MRPS11: variants seen among roughly 807,000 people sequenced by gnomAD.
The protein encoded by MRPS11 is mitochondrial ribosomal protein S11, also known as small ribosomal subunit protein uS11m.
Under a neutral mutation model 24.3 loss-of-function variants are expected in MRPS11, and 27 were observed. The observed-to-expected ratio is 1.11, with a 90% CI of 0.82 to 1.53. MRPS11 has a LOEUF of 1.53. MRPS11 is among the 40% of genes most tolerant of loss of function. MRPS11 has a pLI of 0.00. For missense variants in MRPS11, 277 were observed against 256.5 expected (o/e 1.08, Z -0.55); for synonymous variants, 104 against 98.7 (o/e 1.05, Z -0.32).
At chr15:88,476,396 A>T (rs16941948) in intron 4 of MRPS11, among the ~76,000 whole-genome samples, 9 of 152,132 alleles carry the variant, frequency 5.9e-5, no homozygotes, top group African/African-American at 2.2e-4. Context: ...CCTTCAAACA[A>T]GGGAAGGCAC....
chr15:88,467,974 G>T lies in MRPS11; in HGVS notation c.132G>T (p.Ala44=). The T allele has an allele frequency of 6.2e-7, 1 of 1,611,778 alleles. No individual in the cohort carries two copies. The highest frequency in any genetic ancestry group is 1.7e-4 in the Middle Eastern group (1 of 6,056). Residue 44 remains alanine (A), a synonymous_variant, in exon 2 of 6, where the codon GCG becomes GCT. Coordinates refer to ENST00000325844, the MANE Select transcript of MRPS11 (RefSeq NM_022839.5). ...GCGCTCGACAGCTCCAAGACGCTGC[G>T]GCCAAGCAGAAAGTTGAACAGAACG... ...CTGARQLQDA[A]AKQKVEQNAA...
chr15:88,471,065 AG>A (rs1367629532), intron 2 of MRPS11, among the ~76,000 whole-genome samples: 1 of 152,212 alleles, frequency 6.6e-6, no homozygotes, highest in Middle Eastern at 3.2e-3. Context: ...CTGTGGGCAC[AG>A]ATGTTCAGTA....
intron 3 of MRPS11, among the ~76,000 whole-genome samples, chr15:88,473,841 G>C (rs569899880): frequency 6.6e-6 from 1 of 152,278 alleles, no homozygotes; most frequent in South Asian, 2.1e-4. Context: ...GCATATCTGA[G>C]GATTTCTTAA....
intron 2 of MRPS11, chr15:88,468,414 A>ATGT: frequency 9.2e-7 from 1 of 1,089,308 alleles, no homozygotes. Context: ...CGTCTTACGG[A>ATGT]TGGTCCAGGG....
In MRPS11 at chr15:88,479,534, T is replaced by A. The variant is rs1021393577; in HGVS notation, c.*1555T>A. The A allele has an allele frequency of 6.6e-6, 1 of 152,100 alleles. No individual in the cohort carries two copies. Among genetic ancestry groups the A allele is most frequent in the African/African-American group, 2.4e-5 (1 of 41,414 alleles). 9.4% of individuals were successfully genotyped at this position (152,100 alleles called of 1,614,324 possible). A position where few individuals can be genotyped will look rare whatever the true frequency, so the allele number is the denominator to read the frequency against. On this transcript the variant is annotated 3_prime_UTR_variant, in exon 6 of 6. Transcript: ENST00000325844. ...GGAAGATCACGAACCAAGACATGAA[T>A]TTAGAGGAAAAATGCCTCCCTACTG...
At chr15:88,476,109 G>C (rs912156022) in intron 4 of MRPS11, among the ~76,000 whole-genome samples, 3 of 152,160 alleles carry the variant, frequency 2.0e-5, no homozygotes, top group Non-Finnish European at 4.4e-5. Context: ...AAATTGGCAA[G>C]GTGCTGCTAT....
Position 88,478,849 on chromosome 15 carries a change from CATG to C in MRPS11, c.*871_*873del. ...ACTAAAAATACAAAAATTAACCAGG[CATG>C]GTGGTGTGCGCCTGTAATCCCAGCT... On this transcript the variant is annotated 3_prime_UTR_variant, in exon 6 of 6. Transcript: ENST00000325844. This position sits in a 1 kb window ranked among gnomAD's most constrained non-coding sequence, Gnocchi z 4.7. 6.6e-6 allele frequency: 1 copy of C among 152,098 alleles called. No individual in the cohort carries two copies. Among genetic ancestry groups the C allele is most frequent in the East Asian group, 1.9e-4 (1 of 5,174 alleles). 9.4% of individuals were successfully genotyped at this position (152,098 alleles called of 1,614,324 possible). A position where few individuals can be genotyped will look rare whatever the true frequency, so the allele number is the denominator to read the frequency against.
chr15:88,476,726 G>A, intron 4 of MRPS11: 1 of 385,780 alleles, frequency 2.6e-6, no homozygotes, highest in Non-Finnish European at 4.7e-6. Flanking sequence ...AAAAACCTGA[G>A]CAATATTTAG....
At chr15:88,474,563 A>AAAAAAAAAAT (rs2055782338) in intron 3 of MRPS11, among the ~76,000 whole-genome samples, 1 of 152,208 alleles carries the variant, frequency 6.6e-6, no homozygotes, top group African/African-American at 2.4e-5. Flanking sequence ...CCATCTCAAA[A>AAAAAAAAAAT]AAAAAAAAGT....
Position 88,477,053 on chromosome 15 carries a change from T to A in MRPS11, c.476T>A (p.Leu159Ter). The A allele has an allele frequency of 1.2e-6, 2 of 1,613,916 alleles. No homozygotes were observed. ...GTGAAAGGCCTGGGGCCAGGACGCT[T>A]GGTAAGTTACAGTGATTTCCATAGT... ...VVVKGLGPGR[L>*]SAMHGLIMGG... The change falls in exon 5 of 6, where the codon TTG becomes TAG. Residue 159 changes from leucine to a stop codon, truncating the protein, a stop_gained and splice_region_variant. Coordinates refer to ENST00000325844, the MANE Select transcript of MRPS11 (RefSeq NM_022839.5). LOFTEE classifies it high-confidence loss of function. This position sits in a 1 kb window ranked among gnomAD's most constrained non-coding sequence, Gnocchi z 5.7.
chr15:88,468,171 C>A (rs934449527), intron 2 of MRPS11, 147 bp downstream of exon 2: 14 of 1,451,728 alleles, frequency 9.6e-6, no homozygotes, highest in Non-Finnish European at 1.2e-5. Context: ...TCAGCCTTCT[C>A]ATCTAAAAAT....
In MRPS11 at chr15:88,475,504, A is replaced by G. The variant is rs903781296; in HGVS notation, c.411+265A>G. 6.6e-6 allele frequency among the ~76,000 whole-genome samples: 1 copy of G among 152,084 alleles called. No individual in the cohort carries two copies. Among genetic ancestry groups the G allele is most frequent in the African/African-American group, 2.4e-5 (1 of 41,386 alleles). On this transcript the variant is annotated intron_variant, in intron 4 of 5. Coordinates refer to ENST00000325844, the MANE Select transcript of MRPS11 (RefSeq NM_022839.5). This position sits in a 1 kb window ranked among gnomAD's most constrained non-coding sequence, Gnocchi z 4.1. ...GATACCAAAGGCTTGAGAACCAAAG[A>G]CCCCTCAATTTAAAAACCGTTAGCC... is the stretch of plus-strand genomic sequence containing the variant.
At chr15:88,472,530 G>A (rs1456991799) in intron 2 of MRPS11, 97 bp from the exon 3 acceptor site, 11 of 977,406 alleles carry the variant, frequency 1.1e-5, no homozygotes, top group Non-Finnish European at 1.7e-5. Flanking sequence ...AGAAGCAGCA[G>A]GGGGCACAGA....
At chr15:88,472,331 TAATG>T (rs2055727101) in intron 2 of MRPS11, 2 of 260,248 alleles carry the variant, frequency 7.7e-6, no homozygotes, top group African/African-American at 4.5e-5. Context: ...GATCTGAAAA[TAATG>T]AACACGGGTA....
intron 2 of MRPS11, among the ~76,000 whole-genome samples, chr15:88,471,321 A>T (rs9920698): frequency 0.068 from 10,278 of 152,232 alleles, 1,200 homozygotes; most frequent in African/African-American, 0.23. Context: ...TGTGTTTTTG[A>T]TTTGCCTTTT....
In MRPS11 at chr15:88,477,129, A is replaced by G; in HGVS notation, c.477+75A>G. The G allele has an allele frequency of 2.2e-6, 3 of 1,366,436 alleles. No individual in the cohort carries two copies. Among genetic ancestry groups the G allele is most frequent in the South Asian group, 1.2e-5 (1 of 82,230 alleles). 84.6% of individuals were successfully genotyped at this position (1,366,436 alleles called of 1,614,324 possible). ...AATTTGGGGCTTGAGAGCAGAGTAC[A>G]GGGAGAGTAGAAAACACCTTTTAGT... On this transcript the variant is annotated intron_variant, in intron 5 of 5. Transcript: ENST00000325844. The surrounding 1 kb of genome is among the most constrained non-coding windows in gnomAD (Gnocchi z 5.7).
rs1295638629 is a variant in MRPS11 at position 88,477,889 on chromosome 15, G to A, written c.495G>A (p.Leu165=). 1.2e-6 allele frequency: 2 copies of A among 1,614,106 alleles called. No homozygotes were observed. The highest frequency in any genetic ancestry group is 3.3e-5 in the Admixed American group (2 of 60,026). ...CCTTCCAGTCTGCCATGCACGGACT[G>A]ATCATGGGCGGCCTGGAAGTGATCT... ...GPGRLSAMHG[L]IMGGLEVISI... is the part of the protein sequence containing the mutation. The change falls in exon 6 of 6, where the codon CTG becomes CTA. Residue 165 remains leucine (L), a synonymous_variant. Transcript: ENST00000325844. The surrounding 1 kb of genome is among the most constrained non-coding windows in gnomAD (Gnocchi z 5.7).
intron 2 of MRPS11, chr15:88,468,405 G>A (rs1598288203): frequency 2.7e-6 from 3 of 1,092,822 alleles, no homozygotes; most frequent in South Asian, 2.5e-5. Context: ...GTTCCTGCAC[G>A]TCTTACGGAT....
At chr15:88,471,959 CTA>C (rs1567044399) in intron 2 of MRPS11, among the ~76,000 whole-genome samples, 1 of 152,164 alleles carries the variant, frequency 6.6e-6, no homozygotes, top group African/African-American at 2.4e-5. Flanking sequence ...GGTTGGCAAA[CTA>C]TGGTCGACTG....
Sources: allele counts gnomAD v4.1 joint callset (sites outside exome capture counted in the v4.1 genomes callset), GRCh38; gene constraint gnomAD v4.1.1; non-coding constraint Gnocchi (gnomAD v3.1); transcripts MANE v1.5; gene names NCBI Gene and HGNC (gene_info 2026-07-23, HGNC 2026-07-21).